NCK2: variants seen among roughly 807,000 people sequenced by gnomAD.
NCK2 encodes NCK adaptor protein 2.
Under a neutral mutation model 33.9 loss-of-function variants are expected in NCK2, and 16 were observed. The observed-to-expected ratio is 0.47, with a 90% CI of 0.32 to 0.72. The LOEUF is 0.72. Among genes scored for constraint, NCK2 ranks in the 30% least tolerant of loss-of-function variants. The probability of loss-of-function intolerance (pLI) is 0.03; values close to 1 mark genes in which losing one functional copy is unlikely to be tolerated. For synonymous variants in NCK2, 273 were observed against 239.9 expected, an observed-to-expected ratio of 1.14 and a Z score of -1.27; for missense variants, 418 against 537.3, an observed-to-expected ratio of 0.78 and a Z score of 2.19.
At chr2:105,866,145 C>T (rs899453746) in intron 3 of NCK2, among the ~76,000 whole-genome samples, 29 of 152,150 alleles carry the variant, frequency 1.9e-4, no homozygotes, top group Non-Finnish European at 4.4e-5. Flanking sequence ...AACTCCTGAC[C>T]TCAGGTGATC....
intron 2 of NCK2, among the ~76,000 whole-genome samples, chr2:105,820,377 T>A (rs1365547037): frequency 6.6e-6 from 1 of 152,218 alleles, no homozygotes; most frequent in Non-Finnish European, 1.5e-5. Flanking sequence ...GATGTCAGCC[T>A]TGGATGCATT....
chr2:105,817,400 A>G (rs923370929), intron 2 of NCK2, among the ~76,000 whole-genome samples: 2 of 152,204 alleles, frequency 1.3e-5, no homozygotes, highest in Non-Finnish European at 2.9e-5. Flanking sequence ...ATCTTAAGAC[A>G]TTTAACTTAA....
chr2:105,865,219 G>GTTA (rs1466197696), intron 3 of NCK2, among the ~76,000 whole-genome samples: 12 of 152,184 alleles, frequency 7.9e-5, no homozygotes, highest in Admixed American at 5.9e-4. Flanking sequence ...CTCCTCGAGT[G>GTTA]CCTAAAGTGT....
At chr2:105,774,687 G>T (rs902531442) in intron 1 of NCK2, among the ~76,000 whole-genome samples, 6 of 152,066 alleles carry the variant, frequency 3.9e-5, no homozygotes, top group Non-Finnish European at 8.8e-5. Flanking sequence ...GGGAGAGGAG[G>T]TGTCAAGTTG....
intron 1 of NCK2, among the ~76,000 whole-genome samples, chr2:105,801,397 G>C (rs1674832231): frequency 6.6e-6 from 1 of 151,900 alleles, no homozygotes; most frequent in African/African-American, 2.4e-5. Flanking sequence ...ACCAGCACGT[G>C]GTTGAGGGAT....
intron 4 of NCK2, among the ~76,000 whole-genome samples, chr2:105,883,435 C>A (rs1226504692): frequency 2.0e-5 from 3 of 152,154 alleles, no homozygotes; most frequent in Non-Finnish European, 4.4e-5. Context: ...AAAATATGAT[C>A]TTGGCTTAAA....
chr2:105,873,634 CA>C (rs1422609281), intron 3 of NCK2, among the ~76,000 whole-genome samples: 1 of 152,054 alleles, frequency 6.6e-6, no homozygotes, highest in African/African-American at 2.4e-5. Flanking sequence ...GGGAGAGGAA[CA>C]GTGAGGCTGG....
At chr2:105,831,581 T>C (rs1676189849) in intron 2 of NCK2, among the ~76,000 whole-genome samples, 1 of 152,170 alleles carries the variant, frequency 6.6e-6, no homozygotes, top group Admixed American at 6.5e-5. Flanking sequence ...TAGTGAAAGA[T>C]AGGGACCTAG....
chr2:105,863,548 G>A (rs951895461), intron 3 of NCK2, among the ~76,000 whole-genome samples: 1 of 152,138 alleles, frequency 6.6e-6, no homozygotes, highest in Non-Finnish European at 1.5e-5. Context: ...TCATCTGGTC[G>A]GGATGTGAAG....
chr2:105,893,352 A>C lies in NCK2; in HGVS notation c.*176A>C. ...TTTGCCATCCAGGCCTCACACCCACACTCGAGCCCACCCGGCCGGCCAGCT... is the reference window on the plus strand; with the variant it reads ...TTTGCCATCCAGGCCTCACACCCACCCTCGAGCCCACCCGGCCGGCCAGCT... On this transcript the variant is annotated 3_prime_UTR_variant, in exon 5 of 5. Coordinates refer to ENST00000233154, the MANE Select transcript of NCK2 (RefSeq NM_003581.5). 8.6e-6 allele frequency: 5 copies of C among 583,782 alleles called. No individual in the cohort carries two copies. Among genetic ancestry groups the C allele is most frequent in the Admixed American group, 3.0e-5 (1 of 32,798 alleles). The allele number at this position is 583,782 out of a possible 1,614,324, so 36.2% of individuals were successfully genotyped here. A position where few individuals can be genotyped will look rare whatever the true frequency, so the allele number is the denominator to read the frequency against.
At chr2:105,806,238 C>G (rs933004808) in intron 1 of NCK2, among the ~76,000 whole-genome samples, 9 of 135,980 alleles carry the variant, frequency 6.6e-5, no homozygotes, top group Non-Finnish European at 1.1e-4. Flanking sequence ...CATTTTCTTT[C>G]TTTTTTTTTT....
intron 3 of NCK2, among the ~76,000 whole-genome samples, chr2:105,880,395 A>G (rs988997403): frequency 2.3e-4 from 35 of 152,316 alleles, no homozygotes; most frequent in African/African-American, 8.2e-4. Flanking sequence ...TGTTGTGGGA[A>G]ATTAGTCTGC....
intron 1 of NCK2, among the ~76,000 whole-genome samples, chr2:105,757,004 C>T (rs1689617584): frequency 6.6e-6 from 1 of 152,090 alleles, no homozygotes; most frequent in African/African-American, 2.4e-5. Context: ...GGGGTTTCTT[C>T]ATGTTGGTCA....
intron 1 of NCK2, among the ~76,000 whole-genome samples, chr2:105,807,875 CCTCCCTCCCTTCTCT>C (rs1675143128): frequency 7.7e-6 from 1 of 129,358 alleles, no homozygotes; most frequent in Non-Finnish European, 1.6e-5. Context: ...TCTATCTCTC[CCTCCCTCCCTTCTCT>C]CTATCTCTCT....
chr2:105,860,190 T>C (rs1206793589), intron 3 of NCK2, among the ~76,000 whole-genome samples: 1 of 151,954 alleles, frequency 6.6e-6, no homozygotes, highest in Non-Finnish European at 1.5e-5. Context: ...AGAGGCTCAG[T>C]TGGGAGGACT....
chr2:105,755,605 A>T (rs908243707), intron 1 of NCK2, among the ~76,000 whole-genome samples: 1 of 152,218 alleles, frequency 6.6e-6, no homozygotes, highest in Non-Finnish European at 1.5e-5. Flanking sequence ...CGTATTAGTT[A>T]TTAGACCTAG....
At chr2:105,852,693 T>G (rs1205997581) in intron 2 of NCK2, among the ~76,000 whole-genome samples, 1 of 152,210 alleles carries the variant, frequency 6.6e-6, no homozygotes, top group Non-Finnish European at 1.5e-5. Flanking sequence ...AGATGGAATA[T>G]TCTCTGAATA....
intron 1 of NCK2, among the ~76,000 whole-genome samples, chr2:105,782,725 G>A (rs1690541814): frequency 1.3e-5 from 2 of 152,226 alleles, no homozygotes; most frequent in African/African-American, 4.8e-5. Context: ...AAAATGGGCT[G>A]CAGCTGCCTG....
chr2:105,850,552 A>G lies in NCK2; in HGVS notation c.-16-4496A>G, dbSNP rs1171949423. On this transcript the variant is annotated intron_variant, in intron 2 of 4. Coordinates refer to ENST00000233154, the MANE Select transcript of NCK2 (RefSeq NM_003581.5). Reference sequence around the variant, plus strand: ...CATACAAGATGTAATCTGGCTATATAATATCAAATTTGTAGCCCTTCTCTC... The same window carrying G: ...CATACAAGATGTAATCTGGCTATATGATATCAAATTTGTAGCCCTTCTCTC... Among the ~76,000 whole-genome samples the G allele has an allele frequency of 2.0e-5, 3 of 152,214 alleles. No individual in the cohort carries two copies. In the East Asian group the frequency reaches 5.8e-4, roughly 29 times the overall value.
Sources: allele counts gnomAD v4.1 joint callset (sites outside exome capture counted in the v4.1 genomes callset), GRCh38; gene constraint gnomAD v4.1.1; transcripts MANE v1.5; gene names NCBI Gene and HGNC (gene_info 2026-07-23, HGNC 2026-07-21).